Variants in TANC2 observed in about 807,000 individuals in gnomAD.
The protein encoded by TANC2 is protein TANC2.
In TANC2, 26 loss-of-function variants were observed where a neutral mutation model predicts 210.5. That is an observed-to-expected ratio of 0.12 (90% CI 0.09 to 0.17). The LOEUF (loss-of-function observed/expected upper bound fraction) is 0.17, where lower values mean the gene tolerates loss of function less well. Among genes scored for constraint, TANC2 ranks in the 10% least tolerant of loss-of-function variants. TANC2 has a pLI of 1.00. For missense variants in TANC2, 2,129 were observed against 2,608.9 expected (o/e 0.82, Z 4.01); for synonymous variants, 931 against 967.1 (o/e 0.96, Z 0.69).
In TANC2 at chr17:63,092,308, A is replaced by G. The variant is rs181311229; in HGVS notation, c.140-6867A>G. ...AAACTGCCAAACTGTTTCCCAACTT[A>G]TATATACCAGTTGATATTGTCACCA... On this transcript the variant is annotated intron_variant, in intron 3 of 27. Coordinates refer to ENST00000689528, the Ensembl canonical transcript of TANC2. 5.3e-5 allele frequency among the ~76,000 whole-genome samples: 8 copies of G among 151,966 alleles called. No homozygotes were observed. In the East Asian group the frequency reaches 1.6e-3, roughly 29 times the overall value.
chr17:63,063,044 C>T (rs1329949904), intron 2 of TANC2, among the ~76,000 whole-genome samples: 2 of 152,178 alleles, frequency 1.3e-5, no homozygotes, highest in East Asian at 3.9e-4. Flanking sequence ...AATTGGAGGT[C>T]CCCACAACCC....
At chr17:63,181,094 G>A (rs944205593) in intron 5 of TANC2, among the ~76,000 whole-genome samples, 7 of 150,744 alleles carry the variant, frequency 4.6e-5, no homozygotes, top group Non-Finnish European at 7.4e-5. Flanking sequence ...TTAGAGGGAC[G>A]TGTGTGTTCC....
chr17:63,421,747 C>T lies in TANC2; in HGVS notation c.6017C>T (p.Pro2006Leu). 3 of 1,614,068 alleles carry T rather than the reference C, an allele frequency of 1.9e-6. No homozygotes were observed. The highest frequency in any genetic ancestry group is 2.5e-6 in the Non-Finnish European group (3 of 1,179,900). The change falls in exon 28 of 28, where the codon CCC (proline) becomes CTC (leucine). Residue 2006 changes from proline (P) to leucine (L), a missense_variant. Physicochemically the swap from Pro to Leu is moderately conservative, Grantham distance 98 (BLOSUM62 -3). Coordinates refer to ENST00000689528, the Ensembl canonical transcript of TANC2. This position sits in a 1 kb window ranked among gnomAD's most constrained non-coding sequence, Gnocchi z 6.9. ...TTGCTGGAGGACGATTATTACAGCCCCCATGGGATGCTGGCTAACGGGTCT... is the reference window on the plus strand; with the variant it reads ...TTGCTGGAGGACGATTATTACAGCCTCCATGGGATGCTGGCTAACGGGTCT...
exon 28 of TANC2, chr17:63,426,370 GA>G: frequency 6.6e-6 from 1 of 152,590 alleles, no homozygotes; most frequent in Non-Finnish European, 1.5e-5. Flanking sequence ...CTGCTCCCAA[GA>G]AAAGGTGGCT....
intron 9 of TANC2, among the ~76,000 whole-genome samples, chr17:63,309,188 TGTTA>T (rs979553900): frequency 1.4e-3 from 217 of 151,472 alleles, no homozygotes; most frequent in African/African-American, 5.1e-3. Context: ...TGTATGTATG[TGTTA>T]GTGTGTGTGT....
chr17:63,219,621 GGTT>G, intron 7 of TANC2, among the ~76,000 whole-genome samples: 1 of 151,942 alleles, frequency 6.6e-6, no homozygotes, highest in African/African-American at 2.4e-5. Context: ...CATATTGGTC[GGTT>G]GTTCTTGAAC....
chr17:63,090,217 T>TG (rs2037132541), intron 3 of TANC2, among the ~76,000 whole-genome samples: 2 of 150,060 alleles, frequency 1.3e-5, no homozygotes, highest in Admixed American at 6.6e-5. Flanking sequence ...TTTTTTGAGT[T>TG]TTTTTTTTTT....
chr17:63,184,722 C>T (rs1438921996), intron 5 of TANC2, among the ~76,000 whole-genome samples: 11 of 149,726 alleles, frequency 7.3e-5, no homozygotes, highest in Non-Finnish European at 1.5e-4. Flanking sequence ...GGCACGATCT[C>T]GGCTCACTGC....
chr17:63,212,308 TA>T (rs1306283334), intron 7 of TANC2, among the ~76,000 whole-genome samples: 2 of 152,220 alleles, frequency 1.3e-5, no homozygotes, highest in Non-Finnish European at 2.9e-5. Flanking sequence ...TTAATTTTGG[TA>T]AAACGACTTT....
intron 5 of TANC2, among the ~76,000 whole-genome samples, chr17:63,156,590 A>C (rs186000326): frequency 6.6e-6 from 1 of 152,324 alleles, no homozygotes; most frequent in East Asian, 1.9e-4. Context: ...AAACAGAAAT[A>C]AGTTGTGTAT....
chr17:63,010,065 C>G (rs1324479276), intron 2 of TANC2, among the ~76,000 whole-genome samples: 3 of 151,960 alleles, frequency 2.0e-5, no homozygotes, highest in Admixed American at 6.6e-5. Flanking sequence ...TATGGGTTTT[C>G]TTTTTTAGAA....
At chr17:63,173,454 C>G (rs1473589167) in intron 5 of TANC2, among the ~76,000 whole-genome samples, 1 of 152,204 alleles carries the variant, frequency 6.6e-6, no homozygotes, top group Non-Finnish European at 1.5e-5. Context: ...AATTTTTGCC[C>G]TTGCTTCCAA....
chr17:63,058,598 A>G (rs1044814287), intron 2 of TANC2, among the ~76,000 whole-genome samples: 6 of 152,084 alleles, frequency 3.9e-5, no homozygotes, highest in African/African-American at 1.2e-4. Context: ...TGATTTTTGT[A>G]TATGGTGTAA....
chr17:63,367,737 T>C (rs1598955810), intron 14 of TANC2, among the ~76,000 whole-genome samples: 2 of 152,084 alleles, frequency 1.3e-5, no homozygotes, highest in East Asian at 1.9e-4. Context: ...TGAGAACATA[T>C]GAAATGCCTT....
intron 4 of TANC2, among the ~76,000 whole-genome samples, chr17:63,102,314 T>A (rs1367351411): frequency 6.7e-6 from 1 of 149,512 alleles, no homozygotes; most frequent in Non-Finnish European, 1.5e-5. Flanking sequence ...ACCCTGCCAC[T>A]AAAAAAAATA....
chr17:62,995,890 C>G (rs1255884944), intron 1 of TANC2, among the ~76,000 whole-genome samples: 1 of 152,144 alleles, frequency 6.6e-6, no homozygotes, highest in Non-Finnish European at 1.5e-5. Context: ...GCCAGGAGTT[C>G]AAGACCACAA....
intron 14 of TANC2, among the ~76,000 whole-genome samples, chr17:63,358,976 T>TTGTGTGTGTGTGTGTGTGTGTG (rs34338483): frequency 6.1e-5 from 9 of 147,918 alleles, no homozygotes; most frequent in South Asian, 2.2e-4. Context: ...AGATTAATAT[T>TTGTGTGTGTGTGTGTGTGTGTG]TGTGTGTGTG....
At chr17:63,406,091 T>C in intron 20 of TANC2, 63 bp from the exon 21 acceptor site, 3 of 1,598,550 alleles carry the variant, frequency 1.9e-6, no homozygotes, top group Middle Eastern at 1.7e-4. Flanking sequence ...AGAGATAGTG[T>C]GCACGTGTCT....
chr17:63,025,671 C>A (rs1410342180), intron 2 of TANC2, among the ~76,000 whole-genome samples: 1 of 151,940 alleles, frequency 6.6e-6, no homozygotes. Flanking sequence ...TGGCACACAT[C>A]TGTAATCCCA....
Sources: allele counts gnomAD v4.1 joint callset (sites outside exome capture counted in the v4.1 genomes callset), GRCh38; gene constraint gnomAD v4.1.1; non-coding constraint Gnocchi (gnomAD v3.1); transcripts MANE v1.5; gene names NCBI Gene and HGNC (gene_info 2026-07-23, HGNC 2026-07-21).